BMPER: variants seen among roughly 807,000 people sequenced by gnomAD.
BMPER encodes BMP binding endothelial regulator, also known as BMP-binding endothelial regulator protein.
Under a neutral mutation model 87.3 loss-of-function variants are expected in BMPER, and 45 were observed. The observed-to-expected ratio is 0.52, with a 90% CI of 0.41 to 0.66. The LOEUF (loss-of-function observed/expected upper bound fraction) is 0.66. Ranked by LOEUF, BMPER falls within the 30% of genes least tolerant of loss-of-function variation. The pLI, the probability that BMPER is intolerant of heterozygous loss-of-function variation, is 0.00. For missense variants in BMPER, 784 were observed against 867.5 expected, an observed-to-expected ratio of 0.90 and a Z score of 1.21; for synonymous variants, 326 against 316.2, an observed-to-expected ratio of 1.03 and a Z score of -0.33.
chr7:34,011,248 C>T (rs1786865837), intron 6 of BMPER, among the ~76,000 whole-genome samples: 1 of 151,738 alleles, frequency 6.6e-6, no homozygotes, highest in African/African-American at 2.4e-5. Flanking sequence ...CAGATTCTGA[C>T]TCAGTAGGTC....
chr7:33,922,429 C>A (rs755137559), intron 2 of BMPER, among the ~76,000 whole-genome samples: 1 of 152,212 alleles, frequency 6.6e-6, no homozygotes, highest in Non-Finnish European at 1.5e-5. Context: ...TCCTCCTCCA[C>A]GCAGCATGGC....
chr7:34,033,055 C>G (rs183214389), intron 6 of BMPER, among the ~76,000 whole-genome samples: 141 of 152,234 alleles, frequency 9.3e-4, no homozygotes, highest in Non-Finnish European at 1.4e-3. Context: ...ATATGGAAGT[C>G]CACACAATGC....
chr7:33,999,955 G>A (rs935252150), intron 6 of BMPER, among the ~76,000 whole-genome samples: 20 of 152,302 alleles, frequency 1.3e-4, no homozygotes, highest in African/African-American at 4.3e-4. Flanking sequence ...CTCTAGGGGA[G>A]AGTGCCATAA....
intron 13 of BMPER, among the ~76,000 whole-genome samples, chr7:34,086,415 A>T (rs1789211653): frequency 6.6e-6 from 1 of 152,224 alleles, no homozygotes; most frequent in African/African-American, 2.4e-5. Context: ...AGGGCTTCCC[A>T]AATTCTGGCC....
At chr7:33,990,520 G>C (rs1379546270) in intron 6 of BMPER, among the ~76,000 whole-genome samples, 1 of 149,176 alleles carries the variant, frequency 6.7e-6, no homozygotes, top group African/African-American at 2.5e-5. Context: ...TTTGGGCTGA[G>C]ACAATGGGGT....
intron 14 of BMPER, 23 bp from the exon 15 acceptor site, chr7:34,153,069 C>G: frequency 6.2e-7 from 1 of 1,613,770 alleles, no homozygotes; most frequent in Non-Finnish European, 8.5e-7. Flanking sequence ...CATGTTATGC[C>G]TTTGTCTCCT....
intron 6 of BMPER, among the ~76,000 whole-genome samples, chr7:33,983,708 A>C (rs565359309): frequency 2.6e-5 from 4 of 152,200 alleles, no homozygotes; most frequent in African/African-American, 7.2e-5. Flanking sequence ...CTCTCTGTCT[A>C]TCCTCTCCCT....
At chr7:34,075,301 A>G (rs1402502081) in intron 11 of BMPER, among the ~76,000 whole-genome samples, 2 of 152,226 alleles carry the variant, frequency 1.3e-5, no homozygotes, top group Admixed American at 6.5e-5. Flanking sequence ...TTCCAAAAGT[A>G]TACATAGTCA....
At chr7:33,925,507 A>G (rs1043512955) in intron 2 of BMPER, among the ~76,000 whole-genome samples, 2 of 152,204 alleles carry the variant, frequency 1.3e-5, no homozygotes, top group East Asian at 1.9e-4. Flanking sequence ...GTTTTTAAAA[A>G]TAGATATTAC....
Position 34,153,284 on chromosome 7 carries a change from G to T in BMPER, c.*11G>T. ...TGTCCCCAGCGGTGACCTTTGTTTC[G>T]ATCCTTAAGACTCTGAAATCTGGTG... On this transcript the variant is annotated 3_prime_UTR_variant, in exon 15 of 15. Coordinates refer to ENST00000649409, the MANE Select transcript of BMPER (RefSeq NM_001365308.1). 6.2e-7 allele frequency: 1 copy of T among 1,613,604 alleles called. No individual in the cohort carries two copies. The highest frequency in any genetic ancestry group is 2.2e-5 in the East Asian group (1 of 44,866).
intron 12 of BMPER, among the ~76,000 whole-genome samples, chr7:34,083,095 A>T (rs1241635662): frequency 6.6e-6 from 1 of 152,252 alleles, no homozygotes; most frequent in East Asian, 1.9e-4. Flanking sequence ...CATGAAACTC[A>T]CAATGTCTTT....
Position 34,091,580 on chromosome 7 carries a change from T to A in BMPER, c.1745+5488T>A, listed in dbSNP as rs1173692480. On this transcript the variant is annotated intron_variant, in intron 13 of 14. Transcript: ENST00000649409. ...CAGTCCTTAAAAGTCTGTTTTTAATTCACCGTGTCTACAAACACAATGAAC... is the reference window on the plus strand; with the variant it reads ...CAGTCCTTAAAAGTCTGTTTTTAATACACCGTGTCTACAAACACAATGAAC... 2.0e-5 allele frequency among the ~76,000 whole-genome samples: 3 copies of A among 152,206 alleles called. No individual in the cohort carries two copies. In the East Asian group the frequency reaches 5.8e-4, roughly 29 times the overall value.
intron 2 of BMPER, among the ~76,000 whole-genome samples, chr7:33,908,105 G>A (rs1369215541): frequency 6.6e-6 from 1 of 152,204 alleles, no homozygotes; most frequent in Non-Finnish European, 1.5e-5. Context: ...ATGGGTTGCT[G>A]TGTTCATTGA....
intron 7 of BMPER, among the ~76,000 whole-genome samples, chr7:34,046,724 A>T (rs1787980379): frequency 6.6e-6 from 1 of 152,212 alleles, no homozygotes; most frequent in Non-Finnish European, 1.5e-5. Context: ...ATTAACAGGA[A>T]CATATTTTAA....
At chr7:33,924,810 G>A (rs1303688726) in intron 2 of BMPER, among the ~76,000 whole-genome samples, 11 of 152,140 alleles carry the variant, frequency 7.2e-5, no homozygotes, top group Admixed American at 7.2e-4. Flanking sequence ...TGGGATTACA[G>A]GCACGCGCCA....
At chr7:34,019,772 C>T (rs1787130123) in intron 6 of BMPER, among the ~76,000 whole-genome samples, 1 of 151,894 alleles carries the variant, frequency 6.6e-6, no homozygotes, top group Non-Finnish European at 1.5e-5. Context: ...AAAGTCAACA[C>T]ACTAGCAATT....
At chr7:33,961,513 G>A (rs1418606431) in intron 3 of BMPER, among the ~76,000 whole-genome samples, 1 of 152,168 alleles carries the variant, frequency 6.6e-6, no homozygotes, top group Non-Finnish European at 1.5e-5. Context: ...CAGTCAGTGA[G>A]CCTGTTGCAA....
intron 13 of BMPER, among the ~76,000 whole-genome samples, chr7:34,119,026 A>ACACACACACACG: frequency 6.6e-6 from 1 of 151,336 alleles, no homozygotes; most frequent in Non-Finnish European, 1.5e-5. Flanking sequence ...ACACACACAC[A>ACACACACACACG]CACACACACA....
intron 13 of BMPER, among the ~76,000 whole-genome samples, chr7:34,107,407 C>T (rs1163249127): frequency 6.6e-6 from 1 of 152,180 alleles, no homozygotes; most frequent in Non-Finnish European, 1.5e-5. Flanking sequence ...ACTGTATCCT[C>T]TGGACATTAG....
Sources: gnomAD v4.1 joint callset for allele counts (sites outside exome capture counted in the v4.1 genomes callset) on GRCh38, gnomAD v4.1.1 for gene constraint, MANE v1.5 for transcripts, NCBI Gene and HGNC (gene_info 2026-07-23, HGNC 2026-07-21) for gene names.